ASAP2: variants seen among roughly 807,000 people sequenced by gnomAD.
ASAP2 encodes arf-GAP with SH3 domain, ANK repeat and PH domain-containing protein 2.
In ASAP2, 45 loss-of-function variants were observed where a neutral mutation model predicts 131.4. The observed-to-expected ratio is 0.34, with a 90% CI of 0.27 to 0.44. The LOEUF is 0.44. Among genes scored for constraint, ASAP2 ranks in the 20% least tolerant of loss-of-function variants. The probability of loss-of-function intolerance (pLI) is 1.00; values close to 1 mark genes in which losing one functional copy is unlikely to be tolerated. For missense variants in ASAP2, 1,011 were observed against 1,297.0 expected, an observed-to-expected ratio of 0.78 and a Z score of 3.39; for synonymous variants, 510 against 503.0, an observed-to-expected ratio of 1.01 and a Z score of -0.19.
intron 16 of ASAP2, among the ~76,000 whole-genome samples, chr2:9,369,258 A>T (rs1673745107): frequency 6.6e-6 from 1 of 152,158 alleles, no homozygotes; most frequent in South Asian, 2.1e-4. Context: ...ACCTCAGGTG[A>T]TCCACTCGCT....
intron 2 of ASAP2, among the ~76,000 whole-genome samples, chr2:9,294,250 C>T (rs952747993): frequency 1.3e-5 from 2 of 152,184 alleles, no homozygotes; most frequent in Middle Eastern, 3.4e-3. Context: ...GCACCTGTCT[C>T]GGCCTCCCAA....
At chr2:9,380,953 C>A in intron 20 of ASAP2, 145 bp downstream of exon 20, 1 of 931,164 alleles carries the variant, frequency 1.1e-6, no homozygotes, top group South Asian at 1.6e-5. Flanking sequence ...AATCAGCCTG[C>A]CTTGGAGAAG....
At chr2:9,227,669 T>G (rs1256174023) in intron 1 of ASAP2, among the ~76,000 whole-genome samples, 1 of 152,208 alleles carries the variant, frequency 6.6e-6, no homozygotes, top group Non-Finnish European at 1.5e-5. Context: ...CAATGAATGA[T>G]CTTTCTGTAA....
intron 1 of ASAP2, among the ~76,000 whole-genome samples, chr2:9,276,888 C>T (rs1241394962): frequency 6.6e-6 from 1 of 152,108 alleles, no homozygotes; most frequent in Non-Finnish European, 1.5e-5. Flanking sequence ...ACTTGCTGGC[C>T]CATGGAAGGT....
At chr2:9,222,879 A>T (rs1458062164) in intron 1 of ASAP2, among the ~76,000 whole-genome samples, 1 of 152,006 alleles carries the variant, frequency 6.6e-6, no homozygotes, top group Non-Finnish European at 1.5e-5. Context: ...CTGGAACCTA[A>T]TCAGTGTCCA....
intron 7 of ASAP2, among the ~76,000 whole-genome samples, chr2:9,328,225 G>T (rs1237323635): frequency 3.3e-5 from 5 of 152,146 alleles, no homozygotes; most frequent in East Asian, 1.9e-4. Context: ...CTGCTAACGG[G>T]TATAGGGTTT....
At chr2:9,366,049 G>A (rs112379758) in intron 15 of ASAP2, among the ~76,000 whole-genome samples, 17 of 152,234 alleles carry the variant, frequency 1.1e-4, no homozygotes, top group African/African-American at 3.9e-4. Flanking sequence ...CCACCTTCCT[G>A]CCCCCTTGGT....
chr2:9,348,330 G>C (rs1312462725), intron 11 of ASAP2, among the ~76,000 whole-genome samples: 2 of 149,604 alleles, frequency 1.3e-5, no homozygotes, highest in Non-Finnish European at 2.9e-5. Flanking sequence ...AAATCAGCCA[G>C]GTCAGGCTGA....
chr2:9,272,000 A>G (rs1264087962), intron 1 of ASAP2, among the ~76,000 whole-genome samples: 3 of 152,066 alleles, frequency 2.0e-5, no homozygotes, highest in Non-Finnish European at 4.4e-5. Context: ...GGCCATTGTG[A>G]ACAGTGCTGC....
chr2:9,390,964 G>C, intron 22 of ASAP2, 98 bp from the exon 23 acceptor site: 1 of 1,578,704 alleles, frequency 6.3e-7, no homozygotes, highest in Middle Eastern at 1.7e-4. Context: ...GTTTCATAAG[G>C]GGGAGGATCA....
chr2:9,330,122 A>G (rs1027516083), intron 7 of ASAP2, among the ~76,000 whole-genome samples: 7 of 152,214 alleles, frequency 4.6e-5, no homozygotes, highest in African/African-American at 1.7e-4. Flanking sequence ...CTGCTTTGGA[A>G]TTCTTAATAC....
chr2:9,314,998 G>T (rs868314652), intron 3 of ASAP2, among the ~76,000 whole-genome samples: 14 of 151,972 alleles, frequency 9.2e-5, no homozygotes, highest in Non-Finnish European at 1.6e-4. Context: ...TTCTGCTGGG[G>T]TTGCTTAGTA....
chr2:9,315,812 TCTTAG>T (rs1558322850), intron 3 of ASAP2, among the ~76,000 whole-genome samples: 1 of 152,166 alleles, frequency 6.6e-6, no homozygotes, highest in Non-Finnish European at 1.5e-5. Context: ...TTAAGGCTGA[TCTTAG>T]CAAGACATAG....
chr2:9,254,060 G>A (rs1440081368), intron 1 of ASAP2, among the ~76,000 whole-genome samples: 1 of 150,472 alleles, frequency 6.6e-6, no homozygotes, highest in Non-Finnish European at 1.5e-5. Flanking sequence ...ACAAAAATTA[G>A]CCGGGCGTGG....
chr2:9,266,171 G>A (rs1235347871), intron 1 of ASAP2, among the ~76,000 whole-genome samples: 1 of 130,504 alleles, frequency 7.7e-6, no homozygotes, highest in Non-Finnish European at 1.6e-5. Flanking sequence ...TTTGGACACA[G>A]GATCTCACTC....
intron 1 of ASAP2, among the ~76,000 whole-genome samples, chr2:9,258,332 G>GTT (rs769009726): frequency 0.046 from 5,129 of 112,188 alleles, 388 homozygotes; most frequent in African/African-American, 0.15. Flanking sequence ...GTAATCAGTA[G>GTT]TTGTTTTTTT....
At chr2:9,287,437 A>T (rs1310386040) in intron 2 of ASAP2, among the ~76,000 whole-genome samples, 1 of 152,216 alleles carries the variant, frequency 6.6e-6, no homozygotes, top group African/African-American at 2.4e-5. Context: ...AACCTTAGGG[A>T]TGGAGAAACC....
chr2:9,253,032 C>T (rs1163637117), intron 1 of ASAP2, among the ~76,000 whole-genome samples: 1 of 152,120 alleles, frequency 6.6e-6, no homozygotes, highest in Non-Finnish European at 1.5e-5. Context: ...AAAAGCTGCC[C>T]GTGCATCCCT....
At chr2:9,325,734 A>G (rs1198819162) in intron 6 of ASAP2, among the ~76,000 whole-genome samples, 1 of 152,170 alleles carries the variant, frequency 6.6e-6, no homozygotes, top group Non-Finnish European at 1.5e-5. Flanking sequence ...ATTTATTTTA[A>G]TGGAAATACA....
Sources: allele counts gnomAD v4.1 joint callset (sites outside exome capture counted in the v4.1 genomes callset), GRCh38; gene constraint gnomAD v4.1.1; transcripts MANE v1.5; gene names NCBI Gene and HGNC (gene_info 2026-07-23, HGNC 2026-07-21).